The following LETM1 variants were observed in gnomAD, a reference collection of about 807,000 sequenced individuals.
The protein encoded by LETM1 is mitochondrial proton/calcium exchanger protein.
Under a neutral mutation model 74.5 loss-of-function variants are expected in LETM1, and 50 were observed. The observed-to-expected ratio is 0.67, with a 90% CI of 0.53 to 0.85. The LOEUF (loss-of-function observed/expected upper bound fraction) is 0.85, where lower values mean the gene tolerates loss of function less well. LETM1 is among the 40% of genes least tolerant of loss of function. The pLI is 0.00. For synonymous variants in LETM1, 446 were observed against 407.1 expected (o/e 1.10, Z -1.15); for missense variants, 824 against 967.8 (o/e 0.85, Z 1.97).
At position 1,834,828 on chromosome 4, in the gene LETM1, C is replaced by T; in HGVS notation, c.876+17G>A. 6.2e-7 allele frequency: 1 copy of T among 1,613,788 alleles called. No individual in the cohort carries two copies. Among genetic ancestry groups the T allele is most frequent in the Non-Finnish European group, 8.5e-7 (1 of 1,179,804 alleles). Reference sequence around the variant, plus strand: ...GCTCCCTGGTGAGGTCACAGGGACTCAGACGTATCACAGCACCTTCTGGAA... The same window carrying T: ...GCTCCCTGGTGAGGTCACAGGGACTTAGACGTATCACAGCACCTTCTGGAA... On this transcript the variant is annotated intron_variant, in intron 5 of 13. Transcript: ENST00000302787. This position sits in a 1 kb window ranked among gnomAD's most constrained non-coding sequence, Gnocchi z 5.0.
chr4:1,855,596 C>T (rs536872266), intron 1 of LETM1, among the ~76,000 whole-genome samples: 2 of 152,370 alleles, frequency 1.3e-5, no homozygotes, highest in South Asian at 2.1e-4. Flanking sequence ...GGCTGCCCAG[C>T]CCTTCAGAAT....
intron 2 of LETM1, chr4:1,843,174 A>C (rs1712763642): frequency 1.2e-5 from 2 of 160,688 alleles, no homozygotes; most frequent in African/African-American, 4.8e-5. Context: ...TGAGTAATTT[A>C]ACCTCTCTGT....
At chr4:1,830,973 C>A (rs1470614475) in intron 6 of LETM1, among the ~76,000 whole-genome samples, 1 of 152,180 alleles carries the variant, frequency 6.6e-6, no homozygotes, top group African/African-American at 2.4e-5. Flanking sequence ...ATCCCAGGAC[C>A]AAGCTAACAA....
At chr4:1,849,042 G>A in intron 2 of LETM1, 107 bp downstream of exon 2, 1 of 763,462 alleles carries the variant, frequency 1.3e-6, no homozygotes, top group Non-Finnish European at 2.4e-6. Context: ...GAACAGGAAA[G>A]TAGGATACAC....
At chr4:1,830,910 G>T (rs1046143773) in intron 6 of LETM1, among the ~76,000 whole-genome samples, 1 of 152,140 alleles carries the variant, frequency 6.6e-6, no homozygotes, top group Non-Finnish European at 1.5e-5. Flanking sequence ...TGGCATGGGC[G>T]GTGGGTATTC....
chr4:1,828,096 G>T (rs1260910999), intron 6 of LETM1, among the ~76,000 whole-genome samples: 4 of 133,422 alleles, frequency 3.0e-5, no homozygotes, highest in African/African-American at 2.9e-5. Context: ...GGGCAGGGGG[G>T]CTGACACCCC....
In LETM1 at chr4:1,825,635, C is replaced by T. The variant is rs772992134; in HGVS notation, c.1129G>A (p.Ala377Thr). 3.1e-6 allele frequency: 5 copies of T among 1,613,972 alleles called. No homozygotes were observed. The African/African-American group carries it at 6.7e-5, about 22-fold the overall frequency. ...CGCATGCCTCGTGCCCGACACGCTG[C>T]CTGCAGCTCCTTGACATTCAGGCTG... ...VDSLNVKELQ[A>T]ACRARGMRAL... is the part of the protein sequence containing the mutation. The change falls in exon 7 of 14, where the codon GCA becomes ACA. Residue 377 changes from alanine (A) to threonine (T), a missense_variant. Transcript: ENST00000302787.
chr4:1,816,655 C>T (rs1211497192), intron 12 of LETM1, 72 bp downstream of exon 12: 27 of 1,470,074 alleles, frequency 1.8e-5, no homozygotes, highest in South Asian at 1.8e-4. Flanking sequence ...GGGCCCAGCT[C>T]GGATCCAGCA....
In LETM1 at chr4:1,814,245, C is replaced by T. The variant is rs1372905163; in HGVS notation, c.*179G>A. On this transcript the variant is annotated 3_prime_UTR_variant, in exon 14 of 14. Transcript: ENST00000302787. Reference sequence around the variant, plus strand: ...ATTCTGTGGAGGGGTTCCGGGATTCCAGACAGACTGAATCTCCGTGGAATG... The same window carrying T: ...ATTCTGTGGAGGGGTTCCGGGATTCTAGACAGACTGAATCTCCGTGGAATG... 3.8e-6 allele frequency: 4 copies of T among 1,039,354 alleles called. No individual in the cohort carries two copies. In the African/African-American group the frequency reaches 6.4e-5, roughly 17 times the overall value. 64.4% of individuals were successfully genotyped at this position (1,039,354 alleles called of 1,614,324 possible).
rs183622692 is a variant in LETM1 at position 1,841,260 on chromosome 4, G to A, written c.594+87C>T. 450 of 1,215,010 alleles carry A rather than the reference G, an allele frequency of 3.7e-4. 2 individuals carry two copies. The East Asian group carries it at 8.3e-3, about 22-fold the overall frequency. 75.3% of individuals were successfully genotyped at this position (1,215,010 alleles called of 1,614,324 possible). A position where few individuals can be genotyped will look rare whatever the true frequency, so the allele number is the denominator to read the frequency against. ...CTCGGGAGGCTGAGGCAGGAGGATCGCCCATGCCCAGGAAATTGCGCCACT... is the reference window on the plus strand; with the variant it reads ...CTCGGGAGGCTGAGGCAGGAGGATCACCCATGCCCAGGAAATTGCGCCACT... On this transcript the variant is annotated intron_variant, in intron 3 of 13. Coordinates refer to ENST00000302787, the MANE Select transcript of LETM1 (RefSeq NM_012318.3).
chr4:1,844,655 C>CTT (rs1329516575), intron 2 of LETM1, among the ~76,000 whole-genome samples: 93 of 151,582 alleles, frequency 6.1e-4, no homozygotes, highest in African/African-American at 2.2e-3. Context: ...TGCTTGAAGC[C>CTT]GGGAGGTGGA....
intron 2 of LETM1, among the ~76,000 whole-genome samples, chr4:1,848,339 G>A (rs1712952653): frequency 6.6e-6 from 1 of 152,090 alleles, no homozygotes; most frequent in South Asian, 2.1e-4. Context: ...ACGAGGTCAG[G>A]AGATTGAGAC....
Position 1,836,550 on chromosome 4 carries a change from A to T in LETM1, c.617T>A (p.Leu206His). The change falls in exon 4 of 14, where the codon CTC (leucine) becomes CAC (histidine). Residue 206 changes from leucine (L) to histidine (H), a missense_variant. Leu to His is a moderately conservative substitution (Grantham distance 99). Transcript: ENST00000302787. The surrounding 1 kb of genome is among the most constrained non-coding windows in gnomAD (Gnocchi z 5.8). ...RRQFLRICADLFRLVPFLVFV... is the reference protein window; with the variant it reads ...RRQFLRICADHFRLVPFLVFV... ...CACAAGGAACGGCACCAGGCGGAAG[A>T]GGTCAGCGCAGATCCGGAGAAACTG... 1 of 1,613,958 alleles carries T rather than the reference A, an allele frequency of 6.2e-7. No homozygotes were observed. The highest frequency in any genetic ancestry group is 8.5e-7 in the Non-Finnish European group (1 of 1,180,012).
At chr4:1,814,946 G>A (rs1468371459) in intron 13 of LETM1, among the ~76,000 whole-genome samples, 2 of 152,184 alleles carry the variant, frequency 1.3e-5, no homozygotes, top group African/African-American at 2.4e-5. Flanking sequence ...GGAAGGGAAG[G>A]GCAGCTGTGC....
intron 2 of LETM1, among the ~76,000 whole-genome samples, chr4:1,848,330 C>T (rs945637482): frequency 9.9e-5 from 15 of 152,164 alleles, no homozygotes; most frequent in South Asian, 4.1e-4. Context: ...GGGCGGATCA[C>T]GAGGTCAGGA....
Position 1,814,296 on chromosome 4 carries a change from T to C in LETM1, c.*128A>G, listed in dbSNP as rs1012594015. ...ATGAAAATTAAAATTTACTTGATTA[T>C]GGAAGTCTCTGATTTATTCCAGCCA... On this transcript the variant is annotated 3_prime_UTR_variant, in exon 14 of 14. Coordinates refer to ENST00000302787, the MANE Select transcript of LETM1 (RefSeq NM_012318.3). 43 of 1,379,860 alleles carry C rather than the reference T, an allele frequency of 3.1e-5. No homozygotes were observed. The highest frequency in any genetic ancestry group is 2.9e-5 in the Non-Finnish European group (29 of 999,422). The allele number at this position is 1,379,860 out of a possible 1,614,324, so 85.5% of individuals were successfully genotyped here.
intron 6 of LETM1, among the ~76,000 whole-genome samples, chr4:1,827,817 C>T (rs1227716223): frequency 2.0e-5 from 3 of 150,706 alleles, no homozygotes; most frequent in Non-Finnish European, 4.4e-5. Context: ...ACCTCCCAGA[C>T]GGGGTGGTGG....
intron 1 of LETM1, among the ~76,000 whole-genome samples, chr4:1,853,269 T>C (rs1713131119): frequency 6.6e-6 from 1 of 151,814 alleles, no homozygotes; most frequent in Non-Finnish European, 1.5e-5. Flanking sequence ...GCCCTTGGAG[T>C]CAGCCCTGCT....
Position 1,814,054 on chromosome 4 carries a change from G to A in LETM1, c.*370C>T. The A allele has an allele frequency of 3.7e-6, 1 of 269,374 alleles. No homozygotes were observed. Among genetic ancestry groups the A allele is most frequent in the South Asian group, 4.9e-5 (1 of 20,288 alleles). The allele number at this position is 269,374 out of a possible 1,614,324, so 16.7% of individuals were successfully genotyped here. Reference sequence around the variant, plus strand: ...GGGCACAGCAGCCAGCTCTGTGTGGGCGGAGTCCACGTGGTCCTCATTCTC... The same window carrying A: ...GGGCACAGCAGCCAGCTCTGTGTGGACGGAGTCCACGTGGTCCTCATTCTC... On this transcript the variant is annotated 3_prime_UTR_variant, in exon 14 of 14. Coordinates refer to ENST00000302787, the MANE Select transcript of LETM1 (RefSeq NM_012318.3).
Sources: allele counts gnomAD v4.1 joint callset (sites outside exome capture counted in the v4.1 genomes callset), GRCh38; gene constraint gnomAD v4.1.1; non-coding constraint Gnocchi (gnomAD v3.1); transcripts MANE v1.5; gene names NCBI Gene and HGNC (gene_info 2026-07-23, HGNC 2026-07-21).